Variants in SOX5 observed in about 807,000 individuals in gnomAD.
SOX5 encodes transcription factor SOX-5.
In SOX5, 9 loss-of-function variants were observed where a neutral mutation model predicts 92.0. The ratio of observed to expected loss-of-function variants is 0.10; its 90% CI spans 0.06 to 0.17. SOX5 has a LOEUF of 0.17. Among genes scored for constraint, SOX5 ranks in the 10% least tolerant of loss-of-function variants. SOX5 has a pLI of 1.00. For missense variants in SOX5, 642 were observed against 944.5 expected, an observed-to-expected ratio of 0.68 and a Z score of 4.20; for synonymous variants, 344 against 336.3, an observed-to-expected ratio of 1.02 and a Z score of -0.25.
Position 23,819,001 on chromosome 12 carries a change from T to G in SOX5, c.481+26982A>C, listed in dbSNP as rs147135995. The stretch of plus-strand genomic sequence containing the variant: ...TACTTCTGAAAAATATGCCTGAGGT[T>G]GTTTTACAGTCACCTTGTTTTAATA... On this transcript the variant is annotated intron_variant, in intron 3 of 14. Coordinates refer to ENST00000451604, the MANE Select transcript of SOX5 (RefSeq NM_006940.6). 5.2e-3 allele frequency among the ~76,000 whole-genome samples: 789 copies of G among 152,252 alleles called. 10 individuals are homozygous for G. Among genetic ancestry groups the G allele is most frequent in the African/African-American group, 0.018 (731 of 41,558 alleles).
intron 1 of SOX5, among the ~76,000 whole-genome samples, chr12:24,560,098 A>T (rs967022234): frequency 2.0e-5 from 3 of 152,188 alleles, no homozygotes; most frequent in East Asian, 1.9e-4. Flanking sequence ...TACAAAATGA[A>T]TTTTTTTAAA....
intron 4 of SOX5, among the ~76,000 whole-genome samples, chr12:24,080,669 C>G (rs998084322): frequency 1.3e-5 from 2 of 151,962 alleles, no homozygotes; most frequent in Non-Finnish European, 2.9e-5. Context: ...CTGTAAGTCA[C>G]TTTGGTTCCA....
chr12:23,682,005 T>C (rs929611064), intron 6 of SOX5, among the ~76,000 whole-genome samples: 8 of 151,624 alleles, frequency 5.3e-5, no homozygotes, highest in Admixed American at 1.3e-4. Flanking sequence ...TTAGCACAAC[T>C]TTCTTAATTA....
intron 8 of SOX5, among the ~76,000 whole-genome samples, chr12:23,636,908 TTTC>T (rs2138606065): frequency 6.6e-6 from 1 of 152,338 alleles, no homozygotes; most frequent in South Asian, 2.1e-4. Context: ...GTGACCCCGC[TTTC>T]TTCTTTGTCA....
chr12:24,398,541 C>G (rs772816281), intron 1 of SOX5, among the ~76,000 whole-genome samples: 5 of 152,116 alleles, frequency 3.3e-5, no homozygotes, highest in Non-Finnish European at 7.3e-5. Flanking sequence ...CACTGAGATT[C>G]AGAAAACATG....
At chr12:23,692,818 C>T (rs915416910) in intron 6 of SOX5, among the ~76,000 whole-genome samples, 3 of 152,252 alleles carry the variant, frequency 2.0e-5, no homozygotes, top group African/African-American at 7.2e-5. Flanking sequence ...CTCTGAGGTT[C>T]TCTCAAGCTG....
At chr12:23,656,677 G>A (rs929593409) in intron 7 of SOX5, among the ~76,000 whole-genome samples, 8 of 151,708 alleles carry the variant, frequency 5.3e-5, no homozygotes, top group Admixed American at 2.6e-4. Flanking sequence ...AGTACATATC[G>A]TAAATATACA....
chr12:23,980,176 T>C (rs1949439998), intron 4 of SOX5, among the ~76,000 whole-genome samples: 1 of 152,082 alleles, frequency 6.6e-6, no homozygotes, highest in Non-Finnish European at 1.5e-5. Context: ...ATTCTTTTTT[T>C]GTTTGTTTGT....
chr12:24,040,022 T>C (rs1468784284), intron 4 of SOX5, among the ~76,000 whole-genome samples: 2 of 151,716 alleles, frequency 1.3e-5, no homozygotes, highest in Non-Finnish European at 2.9e-5. Flanking sequence ...TTAAAATTAC[T>C]TAAAATTCTA....
At chr12:24,380,714 G>A (rs937433868) in intron 1 of SOX5, among the ~76,000 whole-genome samples, 3 of 152,192 alleles carry the variant, frequency 2.0e-5, no homozygotes, top group African/African-American at 7.2e-5. Context: ...TATTTTAATT[G>A]TCCCAGAGTT....
intron 8 of SOX5, among the ~76,000 whole-genome samples, chr12:23,610,190 G>A (rs2075778424): frequency 1.3e-5 from 2 of 152,076 alleles, no homozygotes; most frequent in Admixed American, 1.3e-4. Flanking sequence ...TCAGTGTGAG[G>A]AGTAGAGAAA....
At chr12:23,621,686 C>A (rs1006650444) in intron 8 of SOX5, among the ~76,000 whole-genome samples, 2 of 151,880 alleles carry the variant, frequency 1.3e-5, no homozygotes, top group Non-Finnish European at 2.9e-5. Context: ...CAACATACAC[C>A]CAGCTTTGGA....
At chr12:23,929,326 A>G (rs1940849952) in intron 1 of SOX5, among the ~76,000 whole-genome samples, 1 of 152,020 alleles carries the variant, frequency 6.6e-6, no homozygotes, top group African/African-American at 2.4e-5. Context: ...AGCAAAAGCA[A>G]AACTATCAGT....
At chr12:24,398,503 C>T (rs1044461047) in intron 1 of SOX5, among the ~76,000 whole-genome samples, 13 of 152,088 alleles carry the variant, frequency 8.5e-5, no homozygotes, top group African/African-American at 3.1e-4. Flanking sequence ...GAACCTGTCC[C>T]CCGTCTAGAA....
At chr12:24,394,924 T>C (rs1441782369) in intron 1 of SOX5, among the ~76,000 whole-genome samples, 1 of 152,212 alleles carries the variant, frequency 6.6e-6, no homozygotes, top group Non-Finnish European at 1.5e-5. Context: ...ATACGCCTTT[T>C]CACTACATGG....
At chr12:24,534,817 G>A (rs1018491648) in intron 1 of SOX5, among the ~76,000 whole-genome samples, 29 of 152,234 alleles carry the variant, frequency 1.9e-4, no homozygotes, top group African/African-American at 6.0e-4. Flanking sequence ...CCCAGGAGTG[G>A]GTGGGAAACG....
chr12:23,692,046 A>G (rs2088909044), intron 6 of SOX5, among the ~76,000 whole-genome samples: 1 of 152,188 alleles, frequency 6.6e-6, no homozygotes, highest in Non-Finnish European at 1.5e-5. Context: ...AATTTTTCAC[A>G]TTAGTTCTTA....
intron 2 of SOX5, among the ~76,000 whole-genome samples, chr12:24,303,979 A>G (rs1233698530): frequency 6.6e-6 from 1 of 152,218 alleles, no homozygotes; most frequent in Non-Finnish European, 1.5e-5. Context: ...AGGCTACAGC[A>G]CTAATGGAGC....
chr12:24,550,387 T>G (rs1953039683), intron 1 of SOX5, among the ~76,000 whole-genome samples: 1 of 152,090 alleles, frequency 6.6e-6, no homozygotes, highest in African/African-American at 2.4e-5. Context: ...TATAACCCAT[T>G]TACCTTTCTA....
Sources: gnomAD v4.1 joint callset for allele counts (sites outside exome capture counted in the v4.1 genomes callset) on GRCh38, gnomAD v4.1.1 for gene constraint, MANE v1.5 for transcripts, NCBI Gene and HGNC (gene_info 2026-07-23, HGNC 2026-07-21) for gene names.